The following GRID1 variants were observed in gnomAD, a reference collection of about 807,000 sequenced individuals.
The protein encoded by GRID1 is glutamate receptor ionotropic, delta-1.
GRID1 carries 28 observed loss-of-function variants against 98.0 expected under a neutral mutation model. The observed-to-expected ratio is 0.29, with a 90% CI of 0.21 to 0.39. GRID1 has a LOEUF of 0.39. Among genes scored for constraint, GRID1 ranks in the 10% least tolerant of loss-of-function variants. The pLI is 1.00. For missense variants in GRID1, 1,111 were observed against 1,340.5 expected (o/e 0.83, Z 2.67); for synonymous variants, 553 against 538.5 (o/e 1.03, Z -0.37).
intron 4 of GRID1, among the ~76,000 whole-genome samples, chr10:85,932,480 G>C (rs1183436533): frequency 1.3e-5 from 2 of 152,152 alleles, no homozygotes; most frequent in African/African-American, 4.8e-5. Context: ...CTCTCAAAGT[G>C]CTAATATGAG....
Position 86,041,046 on chromosome 10 carries a change from T to C in GRID1, c.726+97773A>G, listed in dbSNP as rs1249790278. Among the ~76,000 whole-genome samples, 3 of 152,276 alleles carry C rather than the reference T, an allele frequency of 2.0e-5. No homozygotes were observed. The East Asian group carries it at 5.8e-4, about 29-fold the overall frequency. On this transcript the variant is annotated intron_variant, in intron 4 of 15. Transcript: ENST00000327946. ...TCCTCTCCTGCGCAGTTCCTGATAC[T>C]TGTCCTCTTTCCCACTCAGCCTCTC...
intron 12 of GRID1, among the ~76,000 whole-genome samples, chr10:85,684,680 CA>C (rs1841248702): frequency 6.6e-6 from 1 of 152,142 alleles, no homozygotes; most frequent in Non-Finnish European, 1.5e-5. Flanking sequence ...AAACAAAATG[CA>C]TAAGTCCACC....
rs1252767501 is a variant in GRID1, at chr10:86,105,022, A to T, written c.726+33797T>A. On this transcript the variant is annotated intron_variant, in intron 4 of 15. Coordinates refer to ENST00000327946, the MANE Select transcript of GRID1 (RefSeq NM_017551.3). ...TTCACCTGACAAATCAATCCTACCC[A>T]CTTCTGACTTCATTACATAGTCACA... Among the ~76,000 whole-genome samples, 4 of 152,042 alleles carry T rather than the reference A, an allele frequency of 2.6e-5. No individual in the cohort carries two copies. In the East Asian group the frequency reaches 7.7e-4, roughly 29 times the overall value.
Position 85,728,044 on chromosome 10 carries a change from A to G in GRID1, c.1344T>C (p.Pro448=), listed in dbSNP as rs1841782255. The G allele has an allele frequency of 1.2e-6, 2 of 1,610,934 alleles. No individual in the cohort carries two copies. Among genetic ancestry groups the G allele is most frequent in the Non-Finnish European group, 1.7e-6 (2 of 1,177,266 alleles). Residue 448 remains proline (P), a synonymous_variant, in exon 10 of 16, where the codon CCT becomes CCC. Coordinates refer to ENST00000327946, the MANE Select transcript of GRID1 (RefSeq NM_017551.3). ...GGATGTTCTCAGCCACCATCACGAAAGGCTCTTCCTGAGGACAACAGAATG... is the reference window on the plus strand; with the variant it reads ...GGATGTTCTCAGCCACCATCACGAAGGGCTCTTCCTGAGGACAACAGAATG... ...TLKVVTVLEE[P]FVMVAENILG... is the part of the protein sequence containing the mutation.
intron 1 of GRID1, among the ~76,000 whole-genome samples, chr10:86,364,380 C>T (rs1377892471): frequency 6.6e-6 from 1 of 152,218 alleles, no homozygotes; most frequent in Admixed American, 6.5e-5. Context: ...GTCTCACAAC[C>T]AAGGCACCAC....
chr10:85,812,646 A>G (rs1170450622), intron 8 of GRID1, among the ~76,000 whole-genome samples: 1 of 152,036 alleles, frequency 6.6e-6, no homozygotes, highest in African/African-American at 2.4e-5. Context: ...AAAAATGCAG[A>G]AAATAATTAC....
chr10:85,974,820 T>C (rs1216753005), intron 4 of GRID1, among the ~76,000 whole-genome samples: 1 of 152,238 alleles, frequency 6.6e-6, no homozygotes, highest in Non-Finnish European at 1.5e-5. Flanking sequence ...TGACAGGGTC[T>C]CACTATGTTG....
Position 85,869,192 on chromosome 10 carries a change from AC to A in GRID1, c.781-13del. 1 of 1,611,326 alleles carries A rather than the reference AC, an allele frequency of 6.2e-7. No homozygotes were observed. The highest frequency in any genetic ancestry group is 8.5e-7 in the Non-Finnish European group (1 of 1,177,468). ...GGGTCACTGATTTCCTAGAAAAATA[AC>A]CAGGCCCATGCTTACCATCCACTCA... On this transcript the variant is annotated splice_polypyrimidine_tract_variant and intron_variant, in intron 5 of 15. Transcript: ENST00000327946.
At chr10:86,360,272 G>A (rs1378757449) in intron 2 of GRID1, among the ~76,000 whole-genome samples, 2 of 152,144 alleles carry the variant, frequency 1.3e-5, no homozygotes, top group Non-Finnish European at 2.9e-5. Flanking sequence ...TGTTAAATAG[G>A]AAAAAATAAC....
In GRID1 at chr10:86,197,198, C is replaced by T. The variant is rs60867783; in HGVS notation, c.520+9166G>A. ...AATAAATTGGAAAGGGAAGGCCCCA[C>T]GGGACAGATGGAATTGAAGCAAAGC... On this transcript the variant is annotated intron_variant, in intron 3 of 15. Transcript: ENST00000327946. Among the ~76,000 whole-genome samples, 421 of 151,706 alleles carry T rather than the reference C, an allele frequency of 2.8e-3. 4 individuals carry two copies. Among genetic ancestry groups the T allele is most frequent in the African/African-American group, 9.3e-3 (388 of 41,540 alleles).
intron 4 of GRID1, among the ~76,000 whole-genome samples, chr10:86,060,146 A>ATACTAT (rs1388321365): frequency 6.6e-6 from 1 of 152,248 alleles, no homozygotes; most frequent in African/African-American, 2.4e-5. Flanking sequence ...TCTAAATTAA[A>ATACTAT]TACTATTTTA....
intron 12 of GRID1, among the ~76,000 whole-genome samples, chr10:85,706,335 C>T (rs948372262): frequency 6.6e-6 from 1 of 152,090 alleles, no homozygotes; most frequent in African/African-American, 2.4e-5. Context: ...AACAGAGAGC[C>T]AAATCATGAG....
At chr10:86,188,508 C>T (rs1036936749) in intron 3 of GRID1, among the ~76,000 whole-genome samples, 1 of 152,190 alleles carries the variant, frequency 6.6e-6, no homozygotes, top group African/African-American at 2.4e-5. Flanking sequence ...AAACAGGTTC[C>T]TTTGCCAAGA....
At chr10:85,611,935 TC>T (rs1437842770) in intron 15 of GRID1, among the ~76,000 whole-genome samples, 3 of 152,282 alleles carry the variant, frequency 2.0e-5, no homozygotes, top group African/African-American at 7.2e-5. Flanking sequence ...CTGTCTTCCT[TC>T]CCTTCTGAGC....
At chr10:85,651,616 G>A (rs374021068) in intron 12 of GRID1, among the ~76,000 whole-genome samples, 2 of 152,182 alleles carry the variant, frequency 1.3e-5, no homozygotes, top group Admixed American at 6.5e-5. Flanking sequence ...CCTCTGGCAG[G>A]CAATCTGGAC....
chr10:85,816,388 A>G (rs78886239), intron 8 of GRID1, among the ~76,000 whole-genome samples: 2,480 of 152,298 alleles, frequency 0.016, 63 homozygotes, highest in African/African-American at 0.056. Context: ...TGAATCTTAA[A>G]TAGATTTTGC....
At chr10:85,869,206 T>C (rs1238746152) in intron 5 of GRID1, 26 bp from the exon 6 acceptor site, 1 of 1,600,554 alleles carries the variant, frequency 6.2e-7, no homozygotes, top group Non-Finnish European at 8.6e-7. Flanking sequence ...GGCCCATGCT[T>C]ACCATCCACT....
intron 8 of GRID1, among the ~76,000 whole-genome samples, chr10:85,768,081 C>A (rs577854906): frequency 1.3e-5 from 2 of 152,178 alleles, no homozygotes; most frequent in South Asian, 4.1e-4. Context: ...GTTTTCTCAC[C>A]TTCCCAGGAA....
At chr10:86,205,926 G>A (rs1846019251) in intron 3 of GRID1, among the ~76,000 whole-genome samples, 1 of 152,008 alleles carries the variant, frequency 6.6e-6, no homozygotes, top group African/African-American at 2.4e-5. Context: ...GCCCCAGCCT[G>A]GAACCCTGAA....
Sources: gnomAD v4.1 joint callset for allele counts (sites outside exome capture counted in the v4.1 genomes callset) on GRCh38, gnomAD v4.1.1 for gene constraint, MANE v1.5 for transcripts, NCBI Gene and HGNC (gene_info 2026-07-23, HGNC 2026-07-21) for gene names.